Variants in EHD1 observed in about 807,000 individuals in gnomAD.
EHD1 encodes EH domain-containing protein 1.
In EHD1, 19 loss-of-function variants were observed where a neutral mutation model predicts 39.0. The ratio of observed to expected loss-of-function variants is 0.49; its 90% CI spans 0.34 to 0.72. EHD1 has a LOEUF of 0.72. Among genes scored for constraint, EHD1 ranks in the 30% least tolerant of loss-of-function variants. The probability of loss-of-function intolerance (pLI) is 0.01; values close to 1 mark genes in which losing one functional copy is unlikely to be tolerated. For missense variants in EHD1, 542 were observed against 751.5 expected (o/e 0.72, Z 3.26); for synonymous variants, 323 against 331.2 (o/e 0.98, Z 0.27).
intron 2 of EHD1, among the ~76,000 whole-genome samples, chr11:64,861,915 T>A (rs1451604388): frequency 6.6e-6 from 1 of 152,168 alleles, no homozygotes; most frequent in Non-Finnish European, 1.5e-5. Context: ...AATTTTATAT[T>A]CATTTTTTTA....
intron 2 of EHD1, among the ~76,000 whole-genome samples, chr11:64,873,778 G>A (rs981850476): frequency 1.3e-5 from 2 of 151,436 alleles, no homozygotes; most frequent in East Asian, 2.0e-4. Context: ...CTGGGTTCAC[G>A]CTATTCTCCT....
intron 2 of EHD1, among the ~76,000 whole-genome samples, chr11:64,861,140 T>C (rs111640880): frequency 0.065 from 9,918 of 151,612 alleles, 465 homozygotes; most frequent in African/African-American, 0.12. Context: ...GAGCCGAGAT[T>C]GTGCCACTGC....
Position 64,878,042 on chromosome 11 carries a change from T to C in EHD1, c.404+19A>G, listed in dbSNP as rs1449394247. On this transcript the variant is annotated intron_variant, in intron 1 of 4. Coordinates refer to ENST00000320631, the MANE Select transcript of EHD1 (RefSeq NM_006795.4). ...TGCCCCGGACGCGCCCCCCGCCCCC[T>C]GGAGTGATGGGTGGGTACCTGTTGA... 6.7e-7 allele frequency: 1 copy of C among 1,491,424 alleles called. No individual in the cohort carries two copies. Among genetic ancestry groups the C allele is most frequent in the Non-Finnish European group, 8.9e-7 (1 of 1,127,054 alleles). The allele number at this position is 1,491,424 out of a possible 1,614,324, so 92.4% of individuals were successfully genotyped here.
At chr11:64,859,197 C>T (rs1943686444) in intron 3 of EHD1, among the ~76,000 whole-genome samples, 1 of 152,162 alleles carries the variant, frequency 6.6e-6, no homozygotes, top group Non-Finnish European at 1.5e-5. Context: ...GTGTGTCACT[C>T]CCCGCCAGTA....
chr11:64,854,191 G>C lies in EHD1; in HGVS notation c.*142C>G. The C allele has an allele frequency of 1.5e-6, 2 of 1,378,670 alleles. No individual in the cohort carries two copies. Among genetic ancestry groups the C allele is most frequent in the Non-Finnish European group, 1.9e-6 (2 of 1,047,162 alleles). The allele number at this position is 1,378,670 out of a possible 1,614,324, so 85.4% of individuals were successfully genotyped here. The stretch of plus-strand genomic sequence containing the variant: ...GCCAGGCCCAGGAACAGCCTTAAAA[G>C]AAAGATGGTGGTTTTCCTTTTCGAG... On this transcript the variant is annotated 3_prime_UTR_variant, in exon 5 of 5. Transcript: ENST00000320631.
intron 1 of EHD1, among the ~76,000 whole-genome samples, chr11:64,876,020 G>A (rs72929074): frequency 0.012 from 1,792 of 152,288 alleles, 19 homozygotes; most frequent in Non-Finnish European, 0.018. Context: ...AGAGCCCAGG[G>A]TATATGGCAG....
Position 64,878,345 on chromosome 11 carries a change from G to C in EHD1, c.120C>G (p.Tyr40Ter), listed in dbSNP as rs1185875402. The change falls in exon 1 of 5, where the codon TAC becomes TAG. Residue 40 changes from tyrosine (Y) to a stop codon, truncating the protein, a stop_gained. Coordinates refer to ENST00000320631, the MANE Select transcript of EHD1 (RefSeq NM_006795.4). LOFTEE classifies it high-confidence loss of function. ...CGGGCGAGTGGAACTCGTGGAAGCG[G>C]TAGTGCTCCTCCAGGGGTAGCAGCT... ...AQKLLPLEEH[Y>*]RFHEFHSPAL... 6.2e-7 allele frequency: 1 copy of C among 1,614,118 alleles called. No homozygotes were observed. Among genetic ancestry groups the C allele is most frequent in the East Asian group, 2.2e-5 (1 of 44,888 alleles).
chr11:64,865,015 CCA>C (rs1344796796), intron 2 of EHD1, among the ~76,000 whole-genome samples: 1 of 152,266 alleles, frequency 6.6e-6, no homozygotes, highest in Non-Finnish European at 1.5e-5. Flanking sequence ...GCTCTGAAAC[CCA>C]GTTACTGGCC....
upstream of EHD1, chr11:64,879,612 C>T: frequency 6.4e-7 from 1 of 1,551,108 alleles, no homozygotes. Context: ...CTCCCCTTAC[C>T]AGTTCCTGGC....
At chr11:64,858,330 C>T (rs1943676603) in intron 3 of EHD1, among the ~76,000 whole-genome samples, 1 of 151,924 alleles carries the variant, frequency 6.6e-6, no homozygotes, top group East Asian at 1.9e-4. Context: ...TACAGGCACG[C>T]ACCACCACGC....
chr11:64,857,918 G>T (rs915629081), intron 3 of EHD1, among the ~76,000 whole-genome samples: 3 of 152,064 alleles, frequency 2.0e-5, no homozygotes, highest in African/African-American at 7.2e-5. Flanking sequence ...ACCCTGCTCT[G>T]TTGAAGAACT....
At chr11:64,879,267 G>T, upstream of EHD1, 1 of 1,053,724 alleles carries the variant, frequency 9.5e-7, no homozygotes, top group Non-Finnish European at 1.2e-6. Context: ...CGAGAGGCCT[G>T]ACCTCCCCTC....
chr11:64,854,435 G>A lies in EHD1; in HGVS notation c.1503C>T (p.Phe501=), dbSNP rs534200860. ...DKDGLLDDEE[F]ALANHLIKVK... ...CCTTGATGAGGTGGTTGGCCAGCGC[G>A]AACTCCTCGTCGTCCAGCAGCCCGT... Residue 501 remains phenylalanine, a synonymous_variant, in exon 5 of 5, where the codon TTC becomes TTT. Coordinates refer to ENST00000320631, the MANE Select transcript of EHD1 (RefSeq NM_006795.4). 16 of 1,614,102 alleles carry A rather than the reference G, an allele frequency of 9.9e-6. No individual in the cohort carries two copies. In the Admixed American group the frequency reaches 1.3e-4, roughly 13 times the overall value.
At chr11:64,855,219 G>A in intron 4 of EHD1, 103 bp downstream of exon 4, 1 of 1,467,470 alleles carries the variant, frequency 6.8e-7, no homozygotes, top group Non-Finnish European at 9.0e-7. Context: ...CGTTCAGGGA[G>A]GCCCTTCCCC....
chr11:64,855,268 C>G, intron 4 of EHD1, 54 bp downstream of exon 4: 1 of 1,588,720 alleles, frequency 6.3e-7, no homozygotes, highest in South Asian at 1.1e-5. Flanking sequence ...TGCCCTGGGC[C>G]TTCCTTCTGC....
Position 64,853,645 on chromosome 11 carries a change from C to T in EHD1, c.*688G>A, listed in dbSNP as rs1943608298. On this transcript the variant is annotated 3_prime_UTR_variant, in exon 5 of 5. Transcript: ENST00000320631. ...TATCACTTTACAGAACAGAAACTAG[C>T]TTATGTATTTTTCTGGAAGACATTC... 1 of 153,594 alleles carries T rather than the reference C, an allele frequency of 6.5e-6. No homozygotes were observed. The highest frequency in any genetic ancestry group is 6.5e-5 in the Admixed American group (1 of 15,424). 9.5% of individuals were successfully genotyped at this position (153,594 alleles called of 1,614,324 possible).
Position 64,876,326 on chromosome 11 carries a change from C to T in EHD1, c.404+1735G>A, listed in dbSNP as rs75592429. On this transcript the variant is annotated intron_variant, in intron 1 of 4. Transcript: ENST00000320631. ...GCCTCCTTTGTTGCACCCTCCTCGC[C>T]GGGCTCACTCCCCACACTACACATC... 2.3e-4 allele frequency among the ~76,000 whole-genome samples: 35 copies of T among 152,338 alleles called. No homozygotes were observed. The East Asian group carries it at 6.4e-3, about 28-fold the overall frequency.
At chr11:64,870,934 G>A (rs3867126) in intron 2 of EHD1, among the ~76,000 whole-genome samples, 1,774 of 152,228 alleles carry the variant, frequency 0.012, 41 homozygotes, top group African/African-American at 0.04. Context: ...ACCCCAACCC[G>A]GCCCCCTTCT....
chr11:64,872,146 G>A (rs1943836892), intron 2 of EHD1, among the ~76,000 whole-genome samples: 1 of 152,298 alleles, frequency 6.6e-6, no homozygotes, highest in African/African-American at 2.4e-5. Context: ...CCGCGCCTGT[G>A]GGCCCAGCTA....
Sources: allele counts gnomAD v4.1 joint callset (sites outside exome capture counted in the v4.1 genomes callset), GRCh38; gene constraint gnomAD v4.1.1; transcripts MANE v1.5; gene names NCBI Gene and HGNC (gene_info 2026-07-23, HGNC 2026-07-21).